The following C17orf50 variants were observed in gnomAD, a reference collection of about 807,000 sequenced individuals.
C17orf50 encodes uncharacterized protein C17orf50.
Under a neutral mutation model 17.7 loss-of-function variants are expected in C17orf50, and 16 were observed. The ratio of observed to expected loss-of-function variants is 0.90; its 90% CI spans 0.61 to 1.37. The LOEUF (loss-of-function observed/expected upper bound fraction) is 1.37, where lower values mean the gene tolerates loss of function less well. C17orf50 is among the 40% of genes most tolerant of loss of function. The pLI, the probability that C17orf50 is intolerant of heterozygous loss-of-function variation, is 0.00. For missense variants in C17orf50, 271 were observed against 240.7 expected (o/e 1.13, Z -0.83); for synonymous variants, 125 against 111.0 (o/e 1.13, Z -0.80).
intron 1 of C17orf50, among the ~76,000 whole-genome samples, chr17:35,763,122 CAAAAAA>C (rs56180495): frequency 9.7e-6 from 1 of 103,146 alleles, no homozygotes. Context: ...ACTCCGTCTC[CAAAAAA>C]AAAAAAAAAA....
Position 35,764,050 on chromosome 17 carries a change from G to C in C17orf50, c.57G>C (p.Arg19=). The change falls in exon 2 of 3, where the codon CGG becomes CGC. Residue 19 remains arginine (R), a synonymous_variant. Coordinates refer to ENST00000605587, the MANE Select transcript of C17orf50 (RefSeq NM_145272.4). ...GGAAGAAGGAAACGGAAGAGCTCCG[G>C]GCCGAGGACGCGGAGCAAGAGGAAG... ...PLWKKETEEL[R]AEDAEQEEGK... is the part of the protein sequence containing the mutation. The C allele has an allele frequency of 6.5e-7, 1 of 1,549,672 alleles. No individual in the cohort carries two copies. Among genetic ancestry groups the C allele is most frequent in the Non-Finnish European group, 8.7e-7 (1 of 1,146,466 alleles).
chr17:35,763,268 CAA>C lies in C17orf50; in HGVS notation c.14-729_14-728del, dbSNP rs1199377540. Among the ~76,000 whole-genome samples the C allele has an allele frequency of 5.5e-5, 8 of 146,364 alleles. No homozygotes were observed. The South Asian group carries it at 1.7e-3, about 32-fold the overall frequency. ...TGGACAACATAGTGAGACCCTGTCT[CAA>C]AAAAAAAAATCTTTTTTAATTGTGG... On this transcript the variant is annotated intron_variant, in intron 1 of 2. Coordinates refer to ENST00000605587, the MANE Select transcript of C17orf50 (RefSeq NM_145272.4).
chr17:35,761,270 A>C (rs2085814563), intron 1 of C17orf50, among the ~76,000 whole-genome samples: 2 of 150,884 alleles, frequency 1.3e-5, no homozygotes, highest in Admixed American at 1.3e-4. Flanking sequence ...CACCCAGCTA[A>C]TTTTTGTATT....
At chr17:35,763,438 CTTTTTTTT>C (rs782005643) in intron 1 of C17orf50, among the ~76,000 whole-genome samples, 8 of 101,516 alleles carry the variant, frequency 7.9e-5, no homozygotes, top group East Asian at 3.1e-4. Context: ...CCATGCCCAG[CTTTTTTTT>C]TTTTTTTTTT....
rs899390144 is a variant in C17orf50, at chr17:35,764,659, G to T, written c.*41G>T. ...GCCTTTGTGCCCTCCATCATTTCCT[G>T]GCCCCAGACCCCCTACCGACCTTCT... On this transcript the variant is annotated 3_prime_UTR_variant, in exon 3 of 3. Coordinates refer to ENST00000605587, the MANE Select transcript of C17orf50 (RefSeq NM_145272.4). 2 of 1,528,658 alleles carry T rather than the reference G, an allele frequency of 1.3e-6. No homozygotes were observed. The highest frequency in any genetic ancestry group is 2.9e-5 in the African/African-American group (2 of 68,968). 94.7% of individuals were successfully genotyped at this position (1,528,658 alleles called of 1,614,324 possible).
intron 1 of C17orf50, 43 bp from the exon 2 acceptor site, chr17:35,763,964 C>T (rs2085878636): frequency 1.4e-6 from 2 of 1,391,542 alleles, no homozygotes; most frequent in East Asian, 5.9e-5. Context: ...TGGACCCTTT[C>T]TCGGGGACAG....
chr17:35,764,173 C>T lies in C17orf50; in HGVS notation c.180C>T (p.Gly60=), dbSNP rs1555602156. 6.5e-7 allele frequency: 1 copy of T among 1,548,402 alleles called. No individual in the cohort carries two copies. The highest frequency in any genetic ancestry group is 8.7e-7 in the Non-Finnish European group (1 of 1,146,648). ...GEEPPRVAEE[G]EGRERRSVSY... is the part of the protein sequence containing the mutation. ...AGCCGCCGCGGGTAGCGGAGGAGGG[C>T]GAAGGCCGCGAGCGGCGCTCAGTGT... Residue 60 remains glycine, a synonymous_variant, in exon 2 of 3, where the codon GGC becomes GGT. Coordinates refer to ENST00000605587, the MANE Select transcript of C17orf50 (RefSeq NM_145272.4).
At chr17:35,761,021 A>C in intron 1 of C17orf50, 67 bp downstream of exon 1, 1 of 1,529,250 alleles carries the variant, frequency 6.5e-7, no homozygotes, top group Non-Finnish European at 8.8e-7. Flanking sequence ...TGGACAATCC[A>C]GCCCATCACC....
chr17:35,763,314 T>C (rs587739665), intron 1 of C17orf50, among the ~76,000 whole-genome samples: 173 of 151,824 alleles, frequency 1.1e-3, no homozygotes, highest in African/African-American at 3.8e-3. Flanking sequence ...TCTCACTCTG[T>C]CACCTAGGCT....
rs782755613 is a variant in C17orf50 at position 35,760,978 on chromosome 17, G to A, written c.13+24G>A. On this transcript the variant is annotated intron_variant, in intron 1 of 2. Transcript: ENST00000605587. ...TGGTGAGTGGGGCTGGAGGCAGGGTGGGGCTGGAGGACAGGACCTCTTGAC... is the reference window on the plus strand; with the variant it reads ...TGGTGAGTGGGGCTGGAGGCAGGGTAGGGCTGGAGGACAGGACCTCTTGAC... 4.4e-6 allele frequency: 7 copies of A among 1,609,100 alleles called. No homozygotes were observed. The African/African-American group carries it at 8.0e-5, about 18-fold the overall frequency.
chr17:35,764,761 C>A lies in C17orf50; in HGVS notation c.*143C>A. ...CAGCTGCTGCCCAGAGCGCCCCCAT[C>A]CGTCAAGAAGGCCCACTGTTGGTGC... On this transcript the variant is annotated 3_prime_UTR_variant, in exon 3 of 3. Transcript: ENST00000605587. 2 of 921,614 alleles carry A rather than the reference C, an allele frequency of 2.2e-6. No individual in the cohort carries two copies. The highest frequency in any genetic ancestry group is 3.5e-5 in the African/African-American group (2 of 56,530). The allele number at this position is 921,614 out of a possible 1,614,324, so 57.1% of individuals were successfully genotyped here. A position where few individuals can be genotyped will look rare whatever the true frequency, so the allele number is the denominator to read the frequency against.
rs367574463 is a variant in C17orf50, at chr17:35,764,196, T to G, written c.203T>G (p.Val68Gly). The G allele has an allele frequency of 6.5e-7, 1 of 1,547,890 alleles. No homozygotes were observed. The highest frequency in any genetic ancestry group is 8.7e-7 in the Non-Finnish European group (1 of 1,146,570). ...GGCGAAGGCCGCGAGCGGCGCTCAG[T>G]GTCCTACTGCCCGCTGCGCCAGGAG... ...EEGEGRERRS[V>G]SYCPLRQESS... Residue 68 changes from valine (V) to glycine (G), a missense_variant, in exon 2 of 3, where the codon GTG becomes GGG. Val to Gly is a moderately radical substitution (Grantham distance 109, BLOSUM62 -3). Coordinates refer to ENST00000605587, the MANE Select transcript of C17orf50 (RefSeq NM_145272.4).
rs891023689 is a variant in C17orf50 at position 35,764,137 on chromosome 17, G to T, written c.144G>T (p.Thr48=). The change falls in exon 2 of 3, where the codon ACG becomes ACT. Residue 48 remains threonine (T), a synonymous_variant. Transcript: ENST00000605587. The stretch of plus-strand genomic sequence containing the variant: ...AGAGGCCGCTGGAGGACAGCGCGAC[G>T]GAGGGCGAGGAGCCGCCGCGGGTAG... The part of the protein sequence containing the change: ...DNQRPLEDSA[T]EGEEPPRVAE... 4.5e-6 allele frequency: 7 copies of T among 1,549,428 alleles called. 1 individual carries two copies. The Admixed American group carries it at 1.4e-4, about 30-fold the overall frequency.
At chr17:35,761,749 C>T (rs894973211) in intron 1 of C17orf50, among the ~76,000 whole-genome samples, 3 of 152,176 alleles carry the variant, frequency 2.0e-5, no homozygotes, top group South Asian at 2.1e-4. Flanking sequence ...GAATGTTCAG[C>T]GGCTCCTCAC....
chr17:35,762,255 G>C (rs1555601687), intron 1 of C17orf50, among the ~76,000 whole-genome samples: 1 of 152,132 alleles, frequency 6.6e-6, no homozygotes, highest in African/African-American at 2.4e-5. Context: ...CTCCCAAAGT[G>C]CTGGGATTAC....
intron 1 of C17orf50, among the ~76,000 whole-genome samples, chr17:35,763,132 A>C (rs1403572281): frequency 4.0e-5 from 6 of 151,798 alleles, no homozygotes; most frequent in Admixed American, 3.9e-4. Context: ...CAAAAAAAAA[A>C]AAAAAAATGG....
Position 35,764,172 on chromosome 17 carries a change from G to A in C17orf50, c.179G>A (p.Gly60Asp). 1.3e-6 allele frequency: 2 copies of A among 1,548,462 alleles called. No homozygotes were observed. The highest frequency in any genetic ancestry group is 1.7e-6 in the Non-Finnish European group (2 of 1,146,664). The change falls in exon 2 of 3, where the codon GGC becomes GAC. Residue 60 changes from glycine to aspartate, a missense_variant. Gly to Asp is a moderately conservative substitution (Grantham distance 94). Coordinates refer to ENST00000605587, the MANE Select transcript of C17orf50 (RefSeq NM_145272.4). ...GAGCCGCCGCGGGTAGCGGAGGAGG[G>A]CGAAGGCCGCGAGCGGCGCTCAGTG... ...GEEPPRVAEE[G>D]EGRERRSVSY...
At position 35,764,647 on chromosome 17, in the gene C17orf50, CCAT is replaced by C; in HGVS notation, c.*33_*35del. On this transcript the variant is annotated 3_prime_UTR_variant, in exon 3 of 3. Coordinates refer to ENST00000605587, the MANE Select transcript of C17orf50 (RefSeq NM_145272.4). ...CCCCCGCTCCCAGCCTTTGTGCCCT[CCAT>C]CATTTCCTGGCCCCAGACCCCCTAC... is the stretch of plus-strand genomic sequence containing the variant. The C allele has an allele frequency of 6.5e-7, 1 of 1,540,724 alleles. No individual in the cohort carries two copies. Among genetic ancestry groups the C allele is most frequent in the Non-Finnish European group, 8.7e-7 (1 of 1,153,320 alleles).
intron 1 of C17orf50, among the ~76,000 whole-genome samples, chr17:35,763,115 C>A (rs2085856587): frequency 1.4e-5 from 2 of 139,820 alleles, no homozygotes; most frequent in South Asian, 4.7e-4. Context: ...GAGCGAGACT[C>A]CGTCTCCAAA....
Sources: gnomAD v4.1 joint callset for allele counts (sites outside exome capture counted in the v4.1 genomes callset) on GRCh38, gnomAD v4.1.1 for gene constraint, MANE v1.5 for transcripts, NCBI Gene and HGNC (gene_info 2026-07-23, HGNC 2026-07-21) for gene names.